EPB41: variants seen among roughly 807,000 people sequenced by gnomAD.
EPB41 encodes the protein erythrocyte membrane protein band 4.1.
Under a neutral mutation model 108.0 loss-of-function variants are expected in EPB41, and 65 were observed. The observed-to-expected ratio is 0.60, with a 90% CI of 0.49 to 0.74. EPB41 has a LOEUF of 0.74. EPB41 is among the 30% of genes least tolerant of loss of function. The pLI is 0.00. For synonymous variants in EPB41, 336 were observed against 358.9 expected, an observed-to-expected ratio of 0.94 and a Z score of 0.72; for missense variants, 875 against 1,037.0, an observed-to-expected ratio of 0.84 and a Z score of 2.15.
chr1:29,067,996 G>A (rs1649216208), intron 16 of EPB41, among the ~76,000 whole-genome samples: 1 of 152,188 alleles, frequency 6.6e-6, no homozygotes, highest in Non-Finnish European at 1.5e-5. Flanking sequence ...TAATTTTGAT[G>A]TATCTGTAGT....
chr1:29,005,217 T>C (rs934987284), intron 4 of EPB41, among the ~76,000 whole-genome samples: 7 of 152,070 alleles, frequency 4.6e-5, no homozygotes, highest in South Asian at 4.2e-4. Context: ...CTGGCACATC[T>C]TACATGGCCA....
chr1:29,042,798 C>T (rs751241987), intron 11 of EPB41, among the ~76,000 whole-genome samples: 106 of 151,578 alleles, frequency 7.0e-4, no homozygotes, highest in Non-Finnish European at 1.4e-3. Flanking sequence ...TGTTTTTCTA[C>T]TCTCCTGAGG....
chr1:29,058,956 A>C, intron 14 of EPB41, 104 bp downstream of exon 14: 1 of 1,094,216 alleles, frequency 9.1e-7, no homozygotes. Flanking sequence ...GATTTCTTTT[A>C]ATCAGGAGTT....
At chr1:29,031,558 A>G (rs1288642143) in intron 8 of EPB41, among the ~76,000 whole-genome samples, 4 of 152,090 alleles carry the variant, frequency 2.6e-5, no homozygotes, top group African/African-American at 7.2e-5. Flanking sequence ...AGAAATGCAC[A>G]TTTCAGGCCC....
chr1:28,980,484 A>G (rs1343252200), intron 1 of EPB41, among the ~76,000 whole-genome samples: 4 of 152,052 alleles, frequency 2.6e-5, no homozygotes, highest in African/African-American at 9.7e-5. Context: ...CTGAGGCAGG[A>G]GGATCATTTG....
chr1:29,046,889 CTCTTT>C (rs1254078849), intron 11 of EPB41, among the ~76,000 whole-genome samples: 2 of 152,084 alleles, frequency 1.3e-5, no homozygotes, highest in Non-Finnish European at 1.5e-5. Context: ...GGTCGTAATA[CTCTTT>C]TCTTTTTTAT....
At chr1:29,113,537 G>A (rs1431670129) in intron 19 of EPB41, among the ~76,000 whole-genome samples, 1 of 152,214 alleles carries the variant, frequency 6.6e-6, no homozygotes, top group Non-Finnish European at 1.5e-5. Flanking sequence ...TCAGTCTGGT[G>A]TGATCTGAGC....
At position 29,030,505 on chromosome 1, in the gene EPB41, C is replaced by G; in HGVS notation, c.1212+18C>G. 6.3e-7 allele frequency: 1 copy of G among 1,576,910 alleles called. No homozygotes were observed. Among genetic ancestry groups the G allele is most frequent in the Non-Finnish European group, 8.7e-7 (1 of 1,146,260 alleles). The stretch of plus-strand genomic sequence containing the variant: ...AAGCAAAGGTAATGATAACTTTGCC[C>G]TTTATTAATATGCATGTGGAAGATA... On this transcript the variant is annotated intron_variant, in intron 8 of 20. Transcript: ENST00000343067.
chr1:29,100,244 G>A (rs1456358498), intron 17 of EPB41, among the ~76,000 whole-genome samples: 4 of 150,962 alleles, frequency 2.6e-5, no homozygotes, highest in East Asian at 3.9e-4. Context: ...CAAGGCAGGC[G>A]GAGCACGTGA....
At chr1:28,905,311 A>C (rs2091704935) in intron 1 of EPB41, among the ~76,000 whole-genome samples, 1 of 151,912 alleles carries the variant, frequency 6.6e-6, no homozygotes, top group African/African-American at 2.4e-5. Context: ...AGCCTGGCCA[A>C]CATGGCAAAA....
chr1:28,984,131 C>G (rs772339581), intron 1 of EPB41, among the ~76,000 whole-genome samples: 5 of 152,170 alleles, frequency 3.3e-5, no homozygotes, highest in Non-Finnish European at 7.3e-5. Flanking sequence ...CAAGCTGCTT[C>G]TCTCCAACAT....
chr1:28,938,535 A>C (rs566230974), intron 1 of EPB41, among the ~76,000 whole-genome samples: 2 of 145,122 alleles, frequency 1.4e-5, no homozygotes, highest in Non-Finnish European at 3.0e-5. Context: ...TGATTTTTGA[A>C]TTTTTTTTTT....
chr1:28,983,281 AG>A (rs2095799676), intron 1 of EPB41, among the ~76,000 whole-genome samples: 1 of 152,208 alleles, frequency 6.6e-6, no homozygotes, highest in Non-Finnish European at 1.5e-5. Flanking sequence ...TTATTTGTTG[AG>A]CACTTATTGT....
chr1:29,088,235 C>T (rs1238471246), intron 16 of EPB41, among the ~76,000 whole-genome samples: 1 of 151,838 alleles, frequency 6.6e-6, no homozygotes, highest in African/African-American at 2.4e-5. Flanking sequence ...TTAGTAGAGA[C>T]GGGGTTTCGC....
At chr1:28,916,795 A>ATT (rs758934262) in intron 1 of EPB41, among the ~76,000 whole-genome samples, 3 of 145,082 alleles carry the variant, frequency 2.1e-5, no homozygotes, top group African/African-American at 2.5e-5. Context: ...TCTCCCAACA[A>ATT]TTTTTTTTTT....
chr1:28,925,874 T>C (rs1557690064), intron 1 of EPB41, among the ~76,000 whole-genome samples: 1 of 152,256 alleles, frequency 6.6e-6, no homozygotes, highest in East Asian at 1.9e-4. Flanking sequence ...AATGGCACGA[T>C]CCTTCATTTA....
chr1:28,900,185 A>G (rs1426520915), intron 1 of EPB41, among the ~76,000 whole-genome samples: 2 of 152,178 alleles, frequency 1.3e-5, no homozygotes, highest in Non-Finnish European at 2.9e-5. Flanking sequence ...CATTCAATAA[A>G]TATTTAGAGT....
intron 1 of EPB41, among the ~76,000 whole-genome samples, chr1:28,965,763 A>AGAG (rs1401808503): frequency 2.0e-5 from 3 of 152,142 alleles, no homozygotes. Flanking sequence ...TTTCAGTGTT[A>AGAG]CCTTTGTTAG....
At chr1:29,074,525 C>G (rs777182236) in intron 16 of EPB41, among the ~76,000 whole-genome samples, 1 of 152,250 alleles carries the variant, frequency 6.6e-6, no homozygotes, top group East Asian at 1.9e-4. Context: ...CTTAGTATCT[C>G]CTTTTACTGT....
Sources: gnomAD v4.1 joint callset for allele counts (sites outside exome capture counted in the v4.1 genomes callset) on GRCh38, gnomAD v4.1.1 for gene constraint, MANE v1.5 for transcripts, NCBI Gene and HGNC (gene_info 2026-07-23, HGNC 2026-07-21) for gene names.